EPB41L4A: variants seen among roughly 807,000 people sequenced by gnomAD.
The protein encoded by EPB41L4A is erythrocyte membrane protein band 4.1 like 4A.
EPB41L4A carries 100 observed loss-of-function variants against 108.6 expected under a neutral mutation model. That is an observed-to-expected ratio of 0.92 (90% confidence interval 0.78 to 1.09). The LOEUF is 1.09. Ranked by LOEUF, EPB41L4A falls within the 50% of genes least tolerant of loss-of-function variation. The probability of loss-of-function intolerance (pLI) is 0.00; values close to 1 mark genes in which losing one functional copy is unlikely to be tolerated. For missense variants in EPB41L4A, 1,030 were observed against 842.7 expected, an observed-to-expected ratio of 1.22 and a Z score of -2.75; for synonymous variants, 319 against 289.0, an observed-to-expected ratio of 1.10 and a Z score of -1.05.
intron 2 of EPB41L4A, among the ~76,000 whole-genome samples, chr5:112,287,267 C>T (rs55835004): frequency 1.3e-5 from 2 of 152,118 alleles, no homozygotes; most frequent in Non-Finnish European, 2.9e-5. Context: ...GATGATTCTA[C>T]CCCCTCAAAA....
At chr5:112,224,671 C>T (rs1046433316) in intron 12 of EPB41L4A, among the ~76,000 whole-genome samples, 1 of 152,130 alleles carries the variant, frequency 6.6e-6, no homozygotes, top group Non-Finnish European at 1.5e-5. Flanking sequence ...CCCTACCACC[C>T]CACTAAGTCG....
At chr5:112,356,920 T>G (rs759574973) in intron 1 of EPB41L4A, among the ~76,000 whole-genome samples, 1 of 152,204 alleles carries the variant, frequency 6.6e-6, no homozygotes, top group Admixed American at 6.5e-5. Context: ...TAAAATAAAA[T>G]AGACACAATA....
chr5:112,220,280 T>C (rs1314784108), intron 12 of EPB41L4A, among the ~76,000 whole-genome samples: 1 of 152,222 alleles, frequency 6.6e-6, no homozygotes, highest in Non-Finnish European at 1.5e-5. Flanking sequence ...GAATGTTCTA[T>C]CAAGTGACAA....
intron 1 of EPB41L4A, among the ~76,000 whole-genome samples, chr5:112,313,064 G>A (rs1433390427): frequency 2.0e-5 from 3 of 152,152 alleles, no homozygotes; most frequent in African/African-American, 2.4e-5. Flanking sequence ...ACCAGCAAAT[G>A]CTTACTCTCT....
At chr5:112,215,778 C>CACA (rs1554079204) in intron 12 of EPB41L4A, among the ~76,000 whole-genome samples, 1 of 99,130 alleles carries the variant, frequency 1.0e-5, no homozygotes, top group Non-Finnish European at 2.1e-5. Context: ...AAAAAAAAAA[C>CACA]AAAAAAAACA....
At chr5:112,176,660 C>T (rs1382226347) in intron 18 of EPB41L4A, among the ~76,000 whole-genome samples, 4 of 151,964 alleles carry the variant, frequency 2.6e-5, no homozygotes, top group South Asian at 2.1e-4. Context: ...AAGCGTCTCA[C>T]GTGGACCACT....
chr5:112,170,935 T>A lies in EPB41L4A; in HGVS notation c.1670+10A>T, dbSNP rs373766852. ...GTTTTAAAACAATAAGAAAGAAAAC[T>A]ATTACTCACTGAATGTGCTTCCATA... On this transcript the variant is annotated intron_variant, in intron 19 of 22. Coordinates refer to ENST00000261486, the MANE Select transcript of EPB41L4A (RefSeq NM_022140.5). 1 of 1,611,666 alleles carries A rather than the reference T, an allele frequency of 6.2e-7. No individual in the cohort carries two copies. The highest frequency in any genetic ancestry group is 1.3e-5 in the African/African-American group (1 of 74,852).
At chr5:112,357,366 T>C (rs950212113) in intron 1 of EPB41L4A, among the ~76,000 whole-genome samples, 1 of 152,086 alleles carries the variant, frequency 6.6e-6, no homozygotes, top group African/African-American at 2.4e-5. Context: ...AAATGTTCTA[T>C]CAAAAGGCAA....
Position 112,210,587 on chromosome 5 carries a change from C to T in EPB41L4A, c.1088-605G>A, listed in dbSNP as rs542894053. On this transcript the variant is annotated intron_variant, in intron 12 of 22. Transcript: ENST00000261486. ...TTGTTATTCCATAGATTTGCATACA[C>T]GCTAGAGGAACCAGCAGAGGGAGCC... Among the ~76,000 whole-genome samples the T allele has an allele frequency of 1.7e-4, 26 of 152,182 alleles. No homozygotes were observed. The East Asian group carries it at 2.7e-3, about 16-fold the overall frequency.
At chr5:112,419,477 T>G (rs1231498233), upstream of EPB41L4A, 1 of 367,006 alleles carries the variant, frequency 2.7e-6, no homozygotes, top group East Asian at 7.4e-5. Context: ...ACCTCCCTCC[T>G]GCCGCACGGA....
intron 13 of EPB41L4A, among the ~76,000 whole-genome samples, chr5:112,145,291 T>C (rs926340357): frequency 6.6e-6 from 1 of 152,102 alleles, no homozygotes; most frequent in African/African-American, 2.4e-5. Flanking sequence ...TTATATAAAG[T>C]GTGGTTCATC....
chr5:112,267,695 A>G (rs575694450), intron 4 of EPB41L4A, among the ~76,000 whole-genome samples: 1 of 152,272 alleles, frequency 6.6e-6, no homozygotes, highest in East Asian at 1.9e-4. Context: ...CTGTTCTGCC[A>G]TCACTCATAC....
chr5:112,278,511 C>G (rs1186794743), intron 3 of EPB41L4A, among the ~76,000 whole-genome samples: 1 of 151,922 alleles, frequency 6.6e-6, no homozygotes, highest in Admixed American at 6.6e-5. Flanking sequence ...CTCAGCCACC[C>G]AAACTGCTGG....
Position 112,164,892 on chromosome 5 carries a change from C to G in EPB41L4A, c.*98G>C. 1.7e-6 allele frequency: 2 copies of G among 1,180,542 alleles called. No individual in the cohort carries two copies. Among genetic ancestry groups the G allele is most frequent in the Admixed American group, 2.8e-5 (1 of 35,822 alleles). The allele number at this position is 1,180,542 out of a possible 1,614,324, so 73.1% of individuals were successfully genotyped here. The stretch of plus-strand genomic sequence containing the variant: ...TTTTCTCATGCTGAAGAAATACTTG[C>G]AGGTCTGAGATTTGAATTAAGATAC... On this transcript the variant is annotated 3_prime_UTR_variant, in exon 23 of 23. Transcript: ENST00000261486.
chr5:112,336,222 T>C (rs960373609), intron 1 of EPB41L4A, among the ~76,000 whole-genome samples: 10 of 152,166 alleles, frequency 6.6e-5, no homozygotes, highest in African/African-American at 1.9e-4. Context: ...ACATTTTAAG[T>C]TAATTTTAAG....
At chr5:112,154,013 C>T (rs1759564371) in intron 12 of EPB41L4A, among the ~76,000 whole-genome samples, 1 of 152,132 alleles carries the variant, frequency 6.6e-6, no homozygotes, top group African/African-American at 2.4e-5. Context: ...AGCTGGCACA[C>T]ACCAATATGG....
At chr5:112,285,805 T>C (rs1234793258) in intron 2 of EPB41L4A, among the ~76,000 whole-genome samples, 1 of 152,212 alleles carries the variant, frequency 6.6e-6, no homozygotes, top group African/African-American at 2.4e-5. Context: ...ATTTATTAAA[T>C]GTTTGCAATG....
intron 1 of EPB41L4A, among the ~76,000 whole-genome samples, chr5:112,341,352 G>A (rs1757305287): frequency 6.6e-6 from 1 of 152,102 alleles, no homozygotes; most frequent in Non-Finnish European, 1.5e-5. Context: ...CTCATAACCA[G>A]TTCTTCAATG....
intron 1 of EPB41L4A, among the ~76,000 whole-genome samples, chr5:112,417,104 G>A (rs10071986): frequency 0.14 from 21,746 of 152,182 alleles, 4,316 homozygotes; most frequent in African/African-American, 0.44. Flanking sequence ...CATATCCAAA[G>A]TAACAGTATT....
Sources: allele counts gnomAD v4.1 joint callset (sites outside exome capture counted in the v4.1 genomes callset), GRCh38; gene constraint gnomAD v4.1.1; transcripts MANE v1.5; gene names NCBI Gene and HGNC (gene_info 2026-07-23, HGNC 2026-07-21).